DPP10: variants seen among roughly 807,000 people sequenced by gnomAD.
The protein encoded by DPP10 is inactive dipeptidyl peptidase 10.
DPP10 carries 33 observed loss-of-function variants against 120.9 expected under a neutral mutation model. The ratio of observed to expected loss-of-function variants is 0.27; its 90% CI spans 0.21 to 0.37. DPP10 has a LOEUF of 0.37. DPP10 is among the 10% of genes least tolerant of loss of function. The pLI is 1.00. For synonymous variants in DPP10, 337 were observed against 326.1 expected, an observed-to-expected ratio of 1.03 and a Z score of -0.36; for missense variants, 816 against 942.8, an observed-to-expected ratio of 0.87 and a Z score of 1.76.
intron 1 of DPP10, among the ~76,000 whole-genome samples, chr2:115,229,383 G>A (rs2057615683): frequency 6.6e-6 from 1 of 152,064 alleles, no homozygotes; most frequent in South Asian, 2.1e-4. Flanking sequence ...AACTTGATAT[G>A]ATTCCATTTG....
intron 20 of DPP10, among the ~76,000 whole-genome samples, chr2:115,815,195 A>G (rs1687094277): frequency 6.6e-6 from 1 of 152,094 alleles, no homozygotes; most frequent in Non-Finnish European, 1.5e-5. Flanking sequence ...TCCCCTCTGG[A>G]ATTAAAATTT....
intron 1 of DPP10, among the ~76,000 whole-genome samples, chr2:114,631,997 T>C (rs1694960690): frequency 6.6e-6 from 1 of 152,230 alleles, no homozygotes; most frequent in Non-Finnish European, 1.5e-5. Context: ...ATATTCTTTT[T>C]ATAGAATATC....
chr2:115,316,572 G>GT (rs1429394025), intron 2 of DPP10, among the ~76,000 whole-genome samples: 23 of 152,122 alleles, frequency 1.5e-4, no homozygotes, highest in African/African-American at 5.3e-4. Flanking sequence ...TGTAAATTCT[G>GT]TATGTATTTT....
chr2:114,484,406 A>C (rs1162651052), intron 1 of DPP10, among the ~76,000 whole-genome samples: 2 of 152,142 alleles, frequency 1.3e-5, no homozygotes, highest in African/African-American at 4.8e-5. Context: ...TTAGGTGAGA[A>C]GTTTTGTACC....
intron 5 of DPP10, among the ~76,000 whole-genome samples, chr2:115,539,808 A>G (rs1382933238): frequency 1.4e-5 from 2 of 143,524 alleles, no homozygotes; most frequent in East Asian, 4.1e-4. Context: ...GAAACAGAAA[A>G]CTTCAAGTTA....
At chr2:115,460,537 A>G (rs2073926914) in intron 3 of DPP10, among the ~76,000 whole-genome samples, 2 of 152,214 alleles carry the variant, frequency 1.3e-5, no homozygotes, top group African/African-American at 2.4e-5. Flanking sequence ...CTTTACAAAT[A>G]TATTCAAGTT....
At chr2:114,717,342 A>T (rs1370602450) in intron 1 of DPP10, among the ~76,000 whole-genome samples, 1 of 152,222 alleles carries the variant, frequency 6.6e-6, no homozygotes, top group African/African-American at 2.4e-5. Context: ...TTAGACACAG[A>T]GCATCTACTT....
chr2:115,108,747 T>G lies in DPP10; in HGVS notation c.61-200492T>G, dbSNP rs866963478. On this transcript the variant is annotated intron_variant, in intron 1 of 25. Coordinates refer to ENST00000410059, the MANE Select transcript of DPP10 (RefSeq NM_020868.6). ...CTGTTAGCTTTAATCATTTACCTGC[T>G]TGCAGGTCCTGAATGACCTTGAGAT... is the stretch of plus-strand genomic sequence containing the variant. 3.9e-4 allele frequency among the ~76,000 whole-genome samples: 59 copies of G among 152,222 alleles called. 1 individual carries two copies. The highest frequency in any genetic ancestry group is 1.4e-3 in the African/African-American group (58 of 41,452).
chr2:115,527,112 A>G (rs897583904), intron 5 of DPP10, among the ~76,000 whole-genome samples: 1 of 152,104 alleles, frequency 6.6e-6, no homozygotes, highest in Non-Finnish European at 1.5e-5. Flanking sequence ...CTGATCATGA[A>G]CTTTTAAAAA....
At chr2:114,823,936 A>T (rs1574273640) in intron 1 of DPP10, among the ~76,000 whole-genome samples, 1 of 152,210 alleles carries the variant, frequency 6.6e-6, no homozygotes, top group East Asian at 1.9e-4. Flanking sequence ...GCAAGGATGG[A>T]TGGAAAGGGA....
chr2:114,660,244 T>G (rs1473846653), intron 1 of DPP10, among the ~76,000 whole-genome samples: 1 of 152,214 alleles, frequency 6.6e-6, no homozygotes. Context: ...AGAGCCTTTG[T>G]AACAAATATG....
chr2:115,424,655 A>C (rs1309174046), intron 3 of DPP10, among the ~76,000 whole-genome samples: 1 of 152,080 alleles, frequency 6.6e-6, no homozygotes, highest in African/African-American at 2.4e-5. Context: ...TATATAGATA[A>C]GGATAAATAT....
chr2:114,528,705 C>T (rs1321300892), intron 1 of DPP10, among the ~76,000 whole-genome samples: 1 of 151,266 alleles, frequency 6.6e-6, no homozygotes, highest in Non-Finnish European at 1.5e-5. Flanking sequence ...ATGTTCTCAT[C>T]TGAACTCACA....
At chr2:115,766,944 C>A (rs1680834718) in intron 12 of DPP10, among the ~76,000 whole-genome samples, 1 of 152,190 alleles carries the variant, frequency 6.6e-6, no homozygotes, top group African/African-American at 2.4e-5. Flanking sequence ...CACCAGGCCC[C>A]AGCTCCAACA....
intron 1 of DPP10, among the ~76,000 whole-genome samples, chr2:115,187,503 G>A (rs576897990): frequency 7.3e-4 from 111 of 152,258 alleles, no homozygotes; most frequent in African/African-American, 2.6e-3. Flanking sequence ...GCATATACAT[G>A]GTCGTGAAAA....
At chr2:114,881,457 G>GTCTATCTATCTATCTA (rs56811813) in intron 1 of DPP10, among the ~76,000 whole-genome samples, 4,894 of 144,280 alleles carry the variant, frequency 0.034, 168 homozygotes, top group Non-Finnish European at 0.035. Context: ...CTGTCTGTCT[G>GTCTATCTATCTATCTA]TCTATCTATC....
intron 1 of DPP10, among the ~76,000 whole-genome samples, chr2:114,621,339 T>G (rs1694076599): frequency 6.6e-6 from 1 of 152,126 alleles, no homozygotes; most frequent in African/African-American, 2.4e-5. Context: ...GTTTCTTGCT[T>G]TCTCAACTGT....
At chr2:115,201,249 G>A (rs981823693) in intron 1 of DPP10, among the ~76,000 whole-genome samples, 7 of 152,110 alleles carry the variant, frequency 4.6e-5, no homozygotes, top group Non-Finnish European at 1.0e-4. Flanking sequence ...GATCACCTGA[G>A]GTCAGGAGTT....
intron 1 of DPP10, among the ~76,000 whole-genome samples, chr2:114,521,983 ATTT>A (rs35338330): frequency 1.1e-5 from 1 of 88,986 alleles, no homozygotes; most frequent in Non-Finnish European, 2.1e-5. Context: ...AATTTTTTGT[ATTT>A]TTTTTTTTTT....
Sources: allele counts gnomAD v4.1 joint callset (sites outside exome capture counted in the v4.1 genomes callset), GRCh38; gene constraint gnomAD v4.1.1; transcripts MANE v1.5; gene names NCBI Gene and HGNC (gene_info 2026-07-23, HGNC 2026-07-21).